Variants in CSMD1 observed in about 807,000 individuals in gnomAD.
The protein encoded by CSMD1 is CUB and Sushi multiple domains 1, also known as CUB and sushi domain-containing protein 1.
A neutral mutation model predicts 417.5 loss-of-function variants in CSMD1; 213 were observed. The observed-to-expected ratio is 0.51, with a 90% CI of 0.46 to 0.57. The LOEUF is 0.57. CSMD1 is among the 20% of genes least tolerant of loss of function. The pLI, the probability that CSMD1 is intolerant of heterozygous loss-of-function variation, is 0.00. For missense variants in CSMD1, 6,923 were observed against 4,529.7 expected (o/e 1.53, Z -15.17); for synonymous variants, 2,862 against 1,736.8 (o/e 1.65, Z -16.11).
chr8:4,073,936 G>T (rs1356585318), intron 3 of CSMD1, among the ~76,000 whole-genome samples: 3 of 152,010 alleles, frequency 2.0e-5, no homozygotes, highest in African/African-American at 7.2e-5. Flanking sequence ...GACGGTTTTT[G>T]ACGGTTGCTT....
At chr8:4,441,853 T>G (rs1798502697) in intron 2 of CSMD1, among the ~76,000 whole-genome samples, 1 of 152,098 alleles carries the variant, frequency 6.6e-6, no homozygotes. Context: ...TGAACGAAAA[T>G]TCCAGAAAGA....
At chr8:4,174,872 T>C (rs1210446596) in intron 3 of CSMD1, among the ~76,000 whole-genome samples, 1 of 149,904 alleles carries the variant, frequency 6.7e-6, no homozygotes. Context: ...ATATTGATGT[T>C]AATGTACACT....
At chr8:3,844,221 G>A (rs1250868632) in intron 5 of CSMD1, among the ~76,000 whole-genome samples, 1 of 152,114 alleles carries the variant, frequency 6.6e-6, no homozygotes, top group Non-Finnish European at 1.5e-5. Flanking sequence ...GAATGAGTCT[G>A]GCTTGTGGCT....
intron 3 of CSMD1, among the ~76,000 whole-genome samples, chr8:4,111,398 A>G (rs1801847201): frequency 6.6e-6 from 1 of 152,212 alleles, no homozygotes; most frequent in Admixed American, 6.5e-5. Flanking sequence ...TTAAAAAAGT[A>G]TGTATCTTTA....
At chr8:3,508,200 G>A (rs1030069069) in intron 10 of CSMD1, among the ~76,000 whole-genome samples, 1 of 152,090 alleles carries the variant, frequency 6.6e-6, no homozygotes, top group African/African-American at 2.4e-5. Flanking sequence ...CTCTTTGGTT[G>A]TCTAGAAATA....
intron 3 of CSMD1, among the ~76,000 whole-genome samples, chr8:4,296,793 G>A (rs935203329): frequency 7.2e-6 from 1 of 138,970 alleles, no homozygotes; most frequent in Non-Finnish European, 1.5e-5. Context: ...TGGTGAAAAT[G>A]AATAGAAAAT....
chr8:3,211,503 T>C (rs1251900737), intron 30 of CSMD1, among the ~76,000 whole-genome samples: 1 of 152,210 alleles, frequency 6.6e-6, no homozygotes, highest in Non-Finnish European at 1.5e-5. Context: ...TTGAGGTCAT[T>C]GCCCTTTGTT....
At chr8:4,089,694 C>G (rs1241899438) in intron 3 of CSMD1, among the ~76,000 whole-genome samples, 1 of 151,986 alleles carries the variant, frequency 6.6e-6, no homozygotes, top group Non-Finnish European at 1.5e-5. Flanking sequence ...TAGAATGTGC[C>G]CAACACAGAA....
chr8:4,871,348 T>A (rs1298576392), intron 1 of CSMD1, among the ~76,000 whole-genome samples: 1 of 152,126 alleles, frequency 6.6e-6, no homozygotes, highest in Non-Finnish European at 1.5e-5. Context: ...CAGCTATGCA[T>A]ATTGATATAA....
chr8:4,478,915 C>G (rs902399692), intron 2 of CSMD1, among the ~76,000 whole-genome samples: 3 of 152,162 alleles, frequency 2.0e-5, no homozygotes, highest in Admixed American at 6.5e-5. Context: ...TAGTTTCTGG[C>G]AATTGTACTT....
In CSMD1 at chr8:3,314,261, A is replaced by C. The variant is rs114194438; in HGVS notation, c.3632-5758T>G. Reference sequence around the variant, plus strand: ...ACTTAAAGTATAATAAAAAAATAAAAAATAAATCTCAAGTTTTTAAAGGAT... The same window carrying C: ...ACTTAAAGTATAATAAAAAAATAAACAATAAATCTCAAGTTTTTAAAGGAT... On this transcript the variant is annotated intron_variant, in intron 23 of 69. Coordinates refer to ENST00000635120, the MANE Select transcript of CSMD1 (RefSeq NM_033225.6). Among the ~76,000 whole-genome samples, 745 of 151,988 alleles carry C rather than the reference A, an allele frequency of 4.9e-3. 6 individuals are homozygous for C. Among genetic ancestry groups the C allele is most frequent in the African/African-American group, 0.017 (714 of 41,354 alleles).
At chr8:3,074,161 C>A in intron 49 of CSMD1, among the ~76,000 whole-genome samples, 1 of 152,320 alleles carries the variant, frequency 6.6e-6, no homozygotes, top group East Asian at 1.9e-4. Context: ...GGGCTCTCAG[C>A]GTCCAGAGGC....
chr8:3,000,188 A>G (rs11995459), intron 52 of CSMD1, 57 bp from the exon 53 acceptor site: 107,470 of 1,283,894 alleles, frequency 0.084, 4,756 homozygotes, highest in African/African-American at 0.16. Flanking sequence ...TAAAAGTAGT[A>G]CATTCACAAC....
At position 4,792,733 on chromosome 8, in the gene CSMD1, C is replaced by G. The variant is rs377544002; in HGVS notation, c.86-155175G>C. The stretch of plus-strand genomic sequence containing the variant: ...GGAAGAGCTGCCAAGAAGCTGCATT[C>G]AATTACACCGATGCCCATTACTACG... On this transcript the variant is annotated intron_variant, in intron 1 of 69. Transcript: ENST00000635120. Among the ~76,000 whole-genome samples the G allele has an allele frequency of 7.6e-4, 115 of 152,266 alleles. 3 individuals carry two copies. The South Asian group carries it at 0.023, about 31-fold the overall frequency.
chr8:4,147,034 G>C (rs981341083), intron 3 of CSMD1, among the ~76,000 whole-genome samples: 2 of 151,868 alleles, frequency 1.3e-5, no homozygotes, highest in African/African-American at 4.8e-5. Flanking sequence ...GAGATCGGGG[G>C]TTTTCTGGGC....
In CSMD1 at chr8:3,708,327, G is replaced by C. The variant is rs188737233; in HGVS notation, c.1009+87C>G. 3.8e-5 allele frequency: 39 copies of C among 1,036,982 alleles called. No individual in the cohort carries two copies. The Admixed American group carries it at 6.4e-4, about 17-fold the overall frequency. The allele number at this position is 1,036,982 out of a possible 1,614,324, so 64.2% of individuals were successfully genotyped here. A position where few individuals can be genotyped will look rare whatever the true frequency, so the allele number is the denominator to read the frequency against. On this transcript the variant is annotated intron_variant, in intron 7 of 69. Coordinates refer to ENST00000635120, the MANE Select transcript of CSMD1 (RefSeq NM_033225.6). ...AGGAAGAGATAACGTGGGGAAGGTGGTGGGTGGGATCGCTTCTTAACTGCT... is the reference window on the plus strand; with the variant it reads ...AGGAAGAGATAACGTGGGGAAGGTGCTGGGTGGGATCGCTTCTTAACTGCT...
intron 1 of CSMD1, among the ~76,000 whole-genome samples, chr8:4,700,839 G>T (rs991555173): frequency 6.6e-6 from 1 of 152,116 alleles, no homozygotes; most frequent in Non-Finnish European, 1.5e-5. Context: ...GTAACAGCAA[G>T]AATAGGAAGA....
chr8:4,551,484 G>A (rs1303001962), intron 2 of CSMD1, among the ~76,000 whole-genome samples: 1 of 152,006 alleles, frequency 6.6e-6, no homozygotes, highest in Admixed American at 6.6e-5. Flanking sequence ...TGATATTTTA[G>A]TTTGCAGAAA....
chr8:4,857,855 T>C (rs1427366823), intron 1 of CSMD1, among the ~76,000 whole-genome samples: 1 of 151,856 alleles, frequency 6.6e-6, no homozygotes. Context: ...ACTGGTACCA[T>C]TCCTTCTGAA....
Sources: gnomAD v4.1 joint callset for allele counts (sites outside exome capture counted in the v4.1 genomes callset) on GRCh38, gnomAD v4.1.1 for gene constraint, MANE v1.5 for transcripts, NCBI Gene and HGNC (gene_info 2026-07-23, HGNC 2026-07-21) for gene names.